Variants in UBE2H observed in about 807,000 individuals in gnomAD.
UBE2H encodes the protein ubiquitin conjugating enzyme E2 H.
In UBE2H, 3 loss-of-function variants were observed where a neutral mutation model predicts 29.0. The observed-to-expected ratio is 0.10, with a 90% CI of 0.05 to 0.27. The LOEUF is 0.27. Among genes scored for constraint, UBE2H ranks in the 10% least tolerant of loss-of-function variants. The pLI, the probability that UBE2H is intolerant of heterozygous loss-of-function variation, is 1.00. For missense variants in UBE2H, 68 were observed against 228.2 expected, an observed-to-expected ratio of 0.30 and a Z score of 4.52; for synonymous variants, 69 against 82.9, an observed-to-expected ratio of 0.83 and a Z score of 0.91.
chr7:129,839,538 G>T, intron 5 of UBE2H: 1 of 566,918 alleles, frequency 1.8e-6, no homozygotes, highest in Admixed American at 4.1e-5. Flanking sequence ...TGAAGAACGA[G>T]ATAAAGATAT....
chr7:129,937,136 T>A (rs1465420395), intron 1 of UBE2H, among the ~76,000 whole-genome samples: 1 of 152,024 alleles, frequency 6.6e-6, no homozygotes, highest in East Asian at 1.9e-4. Flanking sequence ...GAGACCATCC[T>A]GGCCAACACA....
chr7:129,911,539 C>A (rs1354343713), intron 1 of UBE2H, among the ~76,000 whole-genome samples: 1 of 152,024 alleles, frequency 6.6e-6, no homozygotes, highest in East Asian at 1.9e-4. Context: ...GTTTTAGGGG[C>A]CTGTTGGGAT....
At chr7:129,870,385 G>A (rs1806004020) in intron 3 of UBE2H, among the ~76,000 whole-genome samples, 2 of 152,250 alleles carry the variant, frequency 1.3e-5, no homozygotes, top group South Asian at 4.1e-4. Context: ...GGAGGCCAAT[G>A]TGGGCAGATC....
chr7:129,875,550 G>C (rs112385425), intron 3 of UBE2H, among the ~76,000 whole-genome samples: 2 of 152,146 alleles, frequency 1.3e-5, no homozygotes, highest in Admixed American at 6.5e-5. Flanking sequence ...GCAATACATA[G>C]TGGTAGACTG....
intron 5 of UBE2H, among the ~76,000 whole-genome samples, chr7:129,843,642 C>T (rs1805464971): frequency 6.6e-6 from 1 of 152,206 alleles, no homozygotes; most frequent in African/African-American, 2.4e-5. Flanking sequence ...TCACCCTCCT[C>T]CCCAAAGAAT....
At chr7:129,865,188 C>T in intron 3 of UBE2H, 1 of 324,432 alleles carries the variant, frequency 3.1e-6, no homozygotes, top group Non-Finnish European at 6.1e-6. Context: ...CAATACTCAA[C>T]TGCTCTAGAA....
intron 3 of UBE2H, among the ~76,000 whole-genome samples, chr7:129,873,966 A>C (rs1021706811): frequency 1.3e-5 from 2 of 152,240 alleles, no homozygotes; most frequent in African/African-American, 4.8e-5. Context: ...GTAGCATTTC[A>C]CAAATTGGTT....
intron 5 of UBE2H, among the ~76,000 whole-genome samples, chr7:129,854,434 T>C (rs986185066): frequency 5.9e-5 from 9 of 152,208 alleles, no homozygotes; most frequent in African/African-American, 1.7e-4. Context: ...CTGAAAATAT[T>C]TCTTCTTGTT....
intron 1 of UBE2H, among the ~76,000 whole-genome samples, chr7:129,881,812 C>G (rs1416134952): frequency 6.6e-6 from 1 of 152,106 alleles, no homozygotes; most frequent in Non-Finnish European, 1.5e-5. Flanking sequence ...TTCCCCTAAA[C>G]TGGAAATGCT....
At chr7:129,894,923 C>T (rs531001073) in intron 1 of UBE2H, among the ~76,000 whole-genome samples, 64 of 152,200 alleles carry the variant, frequency 4.2e-4, no homozygotes, top group East Asian at 1.9e-4. Context: ...TGGACTGAAC[C>T]GCAGAGAATA....
rs571104075 is a variant in UBE2H at position 129,936,333 on chromosome 7, G to A, written c.53+16170C>T. Among the ~76,000 whole-genome samples, 567 of 152,228 alleles carry A rather than the reference G, an allele frequency of 3.7e-3. 4 individuals are homozygous for A. The highest frequency in any genetic ancestry group is 0.013 in the African/African-American group (543 of 41,558). The stretch of plus-strand genomic sequence containing the variant: ...TTCTAAGCCGGGCACGGTGGCTCAC[G>A]CCTGTAATCCCAGTACTTTGGGAGG... On this transcript the variant is annotated intron_variant, in intron 1 of 6. Transcript: ENST00000355621.
chr7:129,897,989 CTT>C (rs1257031663), intron 1 of UBE2H, among the ~76,000 whole-genome samples: 2 of 151,940 alleles, frequency 1.3e-5, no homozygotes, highest in East Asian at 1.9e-4. Context: ...GGATAAAAAA[CTT>C]TCAACAAAAA....
intron 1 of UBE2H, among the ~76,000 whole-genome samples, chr7:129,886,626 C>A (rs1048338964): frequency 1.3e-5 from 2 of 152,020 alleles, no homozygotes; most frequent in African/African-American, 4.8e-5. Flanking sequence ...ATAAAGAACG[C>A]GCTTCTGTGC....
intron 1 of UBE2H, among the ~76,000 whole-genome samples, chr7:129,895,037 C>G (rs1806572916): frequency 1.3e-5 from 2 of 152,120 alleles, no homozygotes. Context: ...TTTTGGAAAA[C>G]TTTTAGAAGG....
chr7:129,949,344 T>G (rs1807828785), intron 1 of UBE2H, among the ~76,000 whole-genome samples: 1 of 152,148 alleles, frequency 6.6e-6, no homozygotes, highest in Admixed American at 6.5e-5. Context: ...GCAGCACAGA[T>G]CACCAATCTA....
At chr7:129,896,063 C>G (rs1046370808) in intron 1 of UBE2H, among the ~76,000 whole-genome samples, 5 of 151,970 alleles carry the variant, frequency 3.3e-5, no homozygotes, top group African/African-American at 1.2e-4. Context: ...CTTGGCTGGG[C>G]GTCGTGGCTC....
At chr7:129,839,504 A>G in intron 5 of UBE2H, 169 bp from the exon 6 acceptor site, 2 of 758,896 alleles carry the variant, frequency 2.6e-6, no homozygotes, top group Non-Finnish European at 4.0e-6. Flanking sequence ...TTTCAATACC[A>G]ATTTAAACAT....
chr7:129,895,323 G>A (rs979918587), intron 1 of UBE2H, among the ~76,000 whole-genome samples: 9 of 152,106 alleles, frequency 5.9e-5, no homozygotes, highest in East Asian at 1.9e-4. Context: ...GAGGGGAGAC[G>A]AAACCATTGC....
intron 1 of UBE2H, among the ~76,000 whole-genome samples, chr7:129,935,414 G>GAAAAAAAAAAAAA (rs77698999): frequency 1.2e-5 from 1 of 81,998 alleles, no homozygotes. Context: ...CTGTCTCAAA[G>GAAAAAAAAAAAAA]AAAAAAAAAA....
Sources: allele counts gnomAD v4.1 joint callset (sites outside exome capture counted in the v4.1 genomes callset), GRCh38; gene constraint gnomAD v4.1.1; transcripts MANE v1.5; gene names NCBI Gene and HGNC (gene_info 2026-07-23, HGNC 2026-07-21).